The following MTUS1 variants were observed in gnomAD, a reference collection of about 807,000 sequenced individuals.
MTUS1 encodes the protein microtubule-associated tumor suppressor 1.
MTUS1 carries 109 observed loss-of-function variants against 120.8 expected under a neutral mutation model. The observed-to-expected ratio is 0.90, with a 90% confidence interval of 0.77 to 1.06. The LOEUF (loss-of-function observed/expected upper bound fraction) is 1.06. MTUS1 is among the 50% of genes least tolerant of loss of function. The pLI, the probability that MTUS1 is intolerant of heterozygous loss-of-function variation, is 0.00. For missense variants in MTUS1, 2,210 were observed against 1,486.3 expected, an observed-to-expected ratio of 1.49 and a Z score of -8.01; for synonymous variants, 737 against 550.5, an observed-to-expected ratio of 1.34 and a Z score of -4.74.
At chr8:17,748,006 T>A (rs1456404029) in intron 2 of MTUS1, 1 of 152,170 alleles carries the variant, frequency 6.6e-6, no homozygotes, top group Non-Finnish European at 1.5e-5. Flanking sequence ...TGCCCCCCCA[T>A]TATTCAATTC....
At chr8:17,683,687 T>C (rs1815109058) in intron 7 of MTUS1, among the ~76,000 whole-genome samples, 1 of 152,182 alleles carries the variant, frequency 6.6e-6, no homozygotes, top group African/African-American at 2.4e-5. Context: ...TTCTTATCAG[T>C]TGCCCCCTGA....
intron 2 of MTUS1, among the ~76,000 whole-genome samples, chr8:17,746,842 A>C (rs1295229224): frequency 6.6e-6 from 1 of 152,226 alleles, no homozygotes; most frequent in African/African-American, 2.4e-5. Flanking sequence ...CCCATTTTAA[A>C]GAACAAGAAC....
intron 6 of MTUS1, chr8:17,697,317 A>G (rs767824439): frequency 2.5e-6 from 4 of 1,614,048 alleles, no homozygotes; most frequent in South Asian, 2.2e-5. Context: ...TTTCGAAGCA[A>G]TCCTTTGGCC....
intron 3 of MTUS1, among the ~76,000 whole-genome samples, chr8:17,733,736 T>C (rs775656785): frequency 6.6e-6 from 1 of 152,214 alleles, no homozygotes; most frequent in African/African-American, 2.4e-5. Context: ...TTGGCCCTCC[T>C]CTGTATTTTC....
At chr8:17,751,089 G>C (rs903969138) in intron 2 of MTUS1, among the ~76,000 whole-genome samples, 1 of 152,138 alleles carries the variant, frequency 6.6e-6, no homozygotes, top group African/African-American at 2.4e-5. Context: ...GGCCAATGTG[G>C]GCGGATCACT....
chr8:17,717,655 G>A (rs2131058325), intron 4 of MTUS1, among the ~76,000 whole-genome samples: 1 of 152,082 alleles, frequency 6.6e-6, no homozygotes, highest in Non-Finnish European at 1.5e-5. Context: ...AGACACAAAG[G>A]CCCACGGTTC....
At chr8:17,792,465 T>C (rs918976264) in intron 1 of MTUS1, among the ~76,000 whole-genome samples, 2 of 152,262 alleles carry the variant, frequency 1.3e-5, no homozygotes, top group African/African-American at 4.8e-5. Flanking sequence ...AACAGAAATG[T>C]AGGATTTTTC....
chr8:17,719,799 C>A (rs184119446), intron 4 of MTUS1, among the ~76,000 whole-genome samples: 19 of 152,098 alleles, frequency 1.2e-4, no homozygotes, highest in African/African-American at 3.9e-4. Context: ...AGAAAAAAAA[C>A]AAAAAACAAA....
intron 8 of MTUS1, among the ~76,000 whole-genome samples, chr8:17,660,924 A>G (rs1192794656): frequency 6.6e-6 from 1 of 152,226 alleles, no homozygotes; most frequent in Non-Finnish European, 1.5e-5. Flanking sequence ...AGACAGACGG[A>G]GGCCAGATTA....
intron 1 of MTUS1, among the ~76,000 whole-genome samples, chr8:17,765,678 C>CACA (rs372128571): frequency 7.7e-6 from 1 of 130,088 alleles, no homozygotes; most frequent in Non-Finnish European, 1.6e-5. Flanking sequence ...AATACAGACA[C>CACA]CACACACACA....
intron 3 of MTUS1, among the ~76,000 whole-genome samples, chr8:17,742,268 T>TG (rs1678452647): frequency 8.0e-6 from 1 of 125,078 alleles, no homozygotes; most frequent in African/African-American, 3.4e-5. Flanking sequence ...CATGCCCAGC[T>TG]GTTTTTTTTT....
intron 3 of MTUS1, among the ~76,000 whole-genome samples, chr8:17,733,935 G>C (rs2046765653): frequency 6.6e-6 from 1 of 152,096 alleles, no homozygotes; most frequent in African/African-American, 2.4e-5. Flanking sequence ...ATTAAACCAA[G>C]CCTGGCCCCT....
intron 1 of MTUS1, among the ~76,000 whole-genome samples, chr8:17,787,121 C>A (rs867264253): frequency 2.0e-5 from 3 of 152,140 alleles, no homozygotes; most frequent in Non-Finnish European, 4.4e-5. Flanking sequence ...CCAAGGACTG[C>A]CAAGGAGGGG....
intron 4 of MTUS1, among the ~76,000 whole-genome samples, chr8:17,719,792 A>C (rs1039911578): frequency 6.6e-6 from 1 of 152,212 alleles, no homozygotes; most frequent in Non-Finnish European, 1.5e-5. Flanking sequence ...TGAGAGAAGA[A>C]AAAAAACAAA....
At chr8:17,672,622 T>C (rs991150959) in intron 8 of MTUS1, among the ~76,000 whole-genome samples, 2 of 152,182 alleles carry the variant, frequency 1.3e-5, no homozygotes, top group African/African-American at 4.8e-5. Flanking sequence ...TTCCCTCCAC[T>C]TACAGAACCA....
Position 17,756,345 on chromosome 8 carries a change from A to T in MTUS1, c.-154-384T>A, listed in dbSNP as rs868111573. Reference sequence around the variant, plus strand: ...ACCCAAATTTGCTTATGACAGTCCCAAAGTATGTCTGTTGTCCCAGGATGA... The same window carrying T: ...ACCCAAATTTGCTTATGACAGTCCCTAAGTATGTCTGTTGTCCCAGGATGA... On this transcript the variant is annotated intron_variant, in intron 1 of 14. Coordinates refer to ENST00000693296, the MANE Select transcript of MTUS1 (RefSeq NM_001363059.2). Among the ~76,000 whole-genome samples the T allele has an allele frequency of 6.6e-5, 10 of 152,220 alleles. No individual in the cohort carries two copies. The Middle Eastern group carries it at 0.014, about 207-fold the overall frequency.
At chr8:17,697,823 T>A in intron 6 of MTUS1, 1 of 643,920 alleles carries the variant, frequency 1.6e-6, no homozygotes, top group Non-Finnish European at 1.9e-6. Flanking sequence ...TTCAAGTGCC[T>A]AATGTTTCTT....
chr8:17,709,609 AT>A (rs1747268238), intron 6 of MTUS1, among the ~76,000 whole-genome samples: 1 of 152,134 alleles, frequency 6.6e-6, no homozygotes, highest in Non-Finnish European at 1.5e-5. Flanking sequence ...GACACATGAC[AT>A]AATAAGGCAA....
rs191511961 is a variant in MTUS1, at chr8:17,745,923, T to A, written c.2092-2124A>T. 5.9e-5 allele frequency among the ~76,000 whole-genome samples: 9 copies of A among 152,272 alleles called. No homozygotes were observed. The East Asian group carries it at 1.2e-3, about 20-fold the overall frequency. On this transcript the variant is annotated intron_variant, in intron 2 of 14. Transcript: ENST00000693296. ...AGGTAACTGGATCATAGAAGCAGAC[T>A]TCCCCCTTGCTGTTCTTATGACAGT...
Sources: gnomAD v4.1 joint callset for allele counts (sites outside exome capture counted in the v4.1 genomes callset) on GRCh38, gnomAD v4.1.1 for gene constraint, MANE v1.5 for transcripts, NCBI Gene and HGNC (gene_info 2026-07-23, HGNC 2026-07-21) for gene names.